PXDNL: variants seen among roughly 807,000 people sequenced by gnomAD.
The protein encoded by PXDNL is probable oxidoreductase PXDNL.
A neutral mutation model predicts 150.8 loss-of-function variants in PXDNL; 145 were observed. That is an observed-to-expected ratio of 0.96 (90% CI 0.84 to 1.10). The LOEUF (loss-of-function observed/expected upper bound fraction) is 1.10. Ranked by LOEUF, PXDNL falls within the 50% of genes least tolerant of loss-of-function variation. PXDNL has a pLI of 0.00. For missense variants in PXDNL, 2,087 were observed against 1,873.9 expected (o/e 1.11, Z -2.10); for synonymous variants, 757 against 725.7 (o/e 1.04, Z -0.69).
In PXDNL at chr8:51,515,406, G is replaced by A. The variant is rs76884884; in HGVS notation, c.381-15636C>T. On this transcript the variant is annotated intron_variant, in intron 4 of 22. Transcript: ENST00000356297. Reference sequence around the variant, plus strand: ...CTGTGAACACATACCTGATAGTTCTGGGAAGCTGACTTGGAAACAAAGTGC... The same window carrying A: ...CTGTGAACACATACCTGATAGTTCTAGGAAGCTGACTTGGAAACAAAGTGC... 7.4e-3 allele frequency among the ~76,000 whole-genome samples: 1,132 copies of A among 152,258 alleles called. 13 individuals carry two copies. The highest frequency in any genetic ancestry group is 0.026 in the African/African-American group (1,070 of 41,556).
intron 3 of PXDNL, among the ~76,000 whole-genome samples, chr8:51,572,050 T>G (rs1369613939): frequency 6.6e-6 from 1 of 151,854 alleles, no homozygotes; most frequent in Non-Finnish European, 1.5e-5. Flanking sequence ...CATTGTAAAT[T>G]GAAAACAGTG....
rs1427482228 is a variant in PXDNL, at chr8:51,426,689, C to T, written c.1595G>A (p.Cys532Tyr). The T allele has an allele frequency of 6.2e-7, 1 of 1,608,602 alleles. No homozygotes were observed. The highest frequency in any genetic ancestry group is 1.7e-5 in the Admixed American group (1 of 59,498). The change falls in exon 13 of 23, where the codon TGT (cysteine) becomes TAT (tyrosine). Residue 532 changes from cysteine to tyrosine, a missense_variant. Coordinates refer to ENST00000356297, the MANE Select transcript of PXDNL (RefSeq NM_144651.5). Reference sequence around the variant, plus strand: ...GGGCTGTGGTTCTCCTTGAGCATGACATGAAATGTTTATATTCTTTCCAAC... The same window carrying T: ...GGGCTGTGGTTCTCCTTGAGCATGATATGAAATGTTTATATTCTTTCCAAC... ...VEVGKNINIS[C>Y]HAQGEPQPII... is the part of the protein sequence containing the mutation.
At position 51,441,094 on chromosome 8, in the gene PXDNL, T is replaced by A. The variant is rs117653782; in HGVS notation, c.1525+5910A>T. ...GGAGATAATTGAATCATGGGGGTGG[T>A]TTCTGCCATACTGTTCTAGTAATAT... On this transcript the variant is annotated intron_variant, in intron 12 of 22. Transcript: ENST00000356297. Among the ~76,000 whole-genome samples, 943 of 152,220 alleles carry A rather than the reference T, an allele frequency of 6.2e-3. 25 individuals carry two copies. The highest frequency in any genetic ancestry group is 0.044 in the Admixed American group (677 of 15,292).
At chr8:51,697,432 G>C (rs1449251142) in intron 1 of PXDNL, among the ~76,000 whole-genome samples, 1 of 152,074 alleles carries the variant, frequency 6.6e-6, no homozygotes, top group South Asian at 2.1e-4. Flanking sequence ...AGCATATATA[G>C]TGTGACAGGT....
chr8:51,359,028 A>G (rs1298477554), intron 19 of PXDNL, among the ~76,000 whole-genome samples: 1 of 152,122 alleles, frequency 6.6e-6, no homozygotes. Context: ...CCAAGAATGA[A>G]CTGAATAAGT....
intron 4 of PXDNL, among the ~76,000 whole-genome samples, chr8:51,508,604 G>A (rs1313450728): frequency 1.3e-5 from 2 of 152,228 alleles, no homozygotes; most frequent in East Asian, 3.9e-4. Flanking sequence ...GAGTGCCTGG[G>A]GCTGAGTCCT....
intron 2 of PXDNL, among the ~76,000 whole-genome samples, chr8:51,628,407 T>TC (rs1814411959): frequency 8.3e-6 from 1 of 120,198 alleles, no homozygotes; most frequent in Non-Finnish European, 1.7e-5. Flanking sequence ...TTCTTTTTTT[T>TC]TTTTTTTTTT....
chr8:51,497,564 C>T (rs1171997923), intron 5 of PXDNL, among the ~76,000 whole-genome samples: 1 of 152,110 alleles, frequency 6.6e-6, no homozygotes, highest in Non-Finnish European at 1.5e-5. Context: ...CCAGAATCTA[C>T]ACTGAACTCA....
rs11428261 is a variant in PXDNL, at chr8:51,402,146, A to AT, written c.3557+5920dup. ...TTAAGAATTTTTTGTTAATTTGTCTATTTTTAATATAGAGTGAAGCTATCA... is the reference window on the plus strand; with the variant it reads ...TTAAGAATTTTTTGTTAATTTGTCTATTTTTTAATATAGAGTGAAGCTATCA... On this transcript the variant is annotated intron_variant, in intron 17 of 22. Transcript: ENST00000356297. 5.6e-3 allele frequency among the ~76,000 whole-genome samples: 852 copies of AT among 152,354 alleles called. 3 individuals carry two copies. Among genetic ancestry groups the AT allele is most frequent in the Admixed American group, 0.021 (327 of 15,296 alleles).
intron 4 of PXDNL, among the ~76,000 whole-genome samples, chr8:51,542,299 A>T (rs1015980497): frequency 6.6e-6 from 1 of 152,164 alleles, no homozygotes; most frequent in African/African-American, 2.4e-5. Context: ...AAGCAATCCT[A>T]CTTTATAATT....
At chr8:51,528,708 A>T (rs7820615) in intron 4 of PXDNL, among the ~76,000 whole-genome samples, 57,261 of 152,062 alleles carry the variant, frequency 0.38, 12,486 homozygotes, top group African/African-American at 0.6. Context: ...AAAAGGGCAG[A>T]GACTCAGATC....
chr8:51,459,444 G>C (rs1810014255), intron 8 of PXDNL, among the ~76,000 whole-genome samples: 1 of 152,068 alleles, frequency 6.6e-6, no homozygotes, highest in South Asian at 2.1e-4. Context: ...AATTTCAAAG[G>C]CTACCAGATG....
intron 5 of PXDNL, among the ~76,000 whole-genome samples, chr8:51,491,445 T>A (rs950962602): frequency 1.2e-4 from 18 of 152,206 alleles, no homozygotes; most frequent in African/African-American, 4.3e-4. Flanking sequence ...ATATCACATG[T>A]CTGTACTACA....
At chr8:51,546,776 G>T (rs1439786074) in intron 4 of PXDNL, among the ~76,000 whole-genome samples, 1 of 152,186 alleles carries the variant, frequency 6.6e-6, no homozygotes, top group Admixed American at 6.5e-5. Flanking sequence ...CTGCACAGAG[G>T]CTGCATGGAT....
intron 1 of PXDNL, among the ~76,000 whole-genome samples, chr8:51,776,373 T>C (rs1168189789): frequency 1.3e-5 from 2 of 152,160 alleles, no homozygotes; most frequent in Non-Finnish European, 2.9e-5. Context: ...TTGGGGGGCA[T>C]CACAGAACCT....
chr8:51,745,916 G>A (rs764733313), intron 1 of PXDNL, among the ~76,000 whole-genome samples: 3 of 151,942 alleles, frequency 2.0e-5, no homozygotes, highest in Admixed American at 6.6e-5. Flanking sequence ...ATTACAGCAC[G>A]CTCAGCTAAT....
At chr8:51,341,806 C>CA (rs1805991321) in intron 20 of PXDNL, among the ~76,000 whole-genome samples, 1 of 151,972 alleles carries the variant, frequency 6.6e-6, no homozygotes, top group African/African-American at 2.4e-5. Flanking sequence ...TGACTATTAC[C>CA]AAAAAACAAA....
intron 14 of PXDNL, among the ~76,000 whole-genome samples, chr8:51,421,461 A>T (rs1433161863): frequency 6.6e-6 from 1 of 152,158 alleles, no homozygotes; most frequent in Non-Finnish European, 1.5e-5. Context: ...GCACTTTGGG[A>T]GGCTAAGGTG....
At chr8:51,543,266 T>A (rs537114663) in intron 4 of PXDNL, among the ~76,000 whole-genome samples, 1 of 152,302 alleles carries the variant, frequency 6.6e-6, no homozygotes, top group African/African-American at 2.4e-5. Context: ...TCTGCCTCTT[T>A]CCATAAATTT....
Sources: allele counts gnomAD v4.1 joint callset (sites outside exome capture counted in the v4.1 genomes callset), GRCh38; gene constraint gnomAD v4.1.1; transcripts MANE v1.5; gene names NCBI Gene and HGNC (gene_info 2026-07-23, HGNC 2026-07-21).